Variants in ZMYND11 observed in about 807,000 individuals in gnomAD.
ZMYND11 encodes zinc finger MYND-type containing 11.
ZMYND11 carries 9 observed loss-of-function variants against 84.9 expected under a neutral mutation model. The ratio of observed to expected loss-of-function variants is 0.11; its 90% confidence interval spans 0.06 to 0.18. ZMYND11 has a LOEUF of 0.18. ZMYND11 is among the 10% of genes least tolerant of loss of function. ZMYND11 has a pLI of 1.00. For missense variants in ZMYND11, 409 were observed against 761.0 expected (o/e 0.54, Z 5.44); for synonymous variants, 250 against 244.1 (o/e 1.02, Z -0.23).
intron 4 of ZMYND11, among the ~76,000 whole-genome samples, chr10:223,357 T>C (rs1947483857): frequency 6.6e-6 from 1 of 152,180 alleles, no homozygotes; most frequent in African/African-American, 2.4e-5. Flanking sequence ...CTCTACTCTT[T>C]ACTGAATGGA....
At chr10:190,415 G>C (rs1019504909) in intron 2 of ZMYND11, among the ~76,000 whole-genome samples, 2 of 152,058 alleles carry the variant, frequency 1.3e-5, no homozygotes, top group African/African-American at 4.8e-5. Flanking sequence ...ACTCTCCTTA[G>C]GCTCCGGCTG....
chr10:189,167 C>T (rs1939621380), intron 2 of ZMYND11, among the ~76,000 whole-genome samples: 1 of 152,214 alleles, frequency 6.6e-6, no homozygotes, highest in South Asian at 2.1e-4. Context: ...ATTGACATTT[C>T]TGAGTTCTCC....
intron 1 of ZMYND11, among the ~76,000 whole-genome samples, chr10:146,769 A>G (rs7893922): frequency 0.93 from 141,722 of 152,264 alleles, 66,261 homozygotes; most frequent in Non-Finnish European, 0.98. Context: ...CCAGTGGGAG[A>G]TAATTGAATC....
At chr10:152,620 T>G (rs1840666214) in intron 1 of ZMYND11, among the ~76,000 whole-genome samples, 1 of 152,138 alleles carries the variant, frequency 6.6e-6, no homozygotes, top group Non-Finnish European at 1.5e-5. Flanking sequence ...ATGGGAGACT[T>G]TAACACCCCA....
chr10:145,948 T>C (rs1838723720), intron 1 of ZMYND11, among the ~76,000 whole-genome samples: 1 of 152,186 alleles, frequency 6.6e-6, no homozygotes, highest in African/African-American at 2.4e-5. Flanking sequence ...TCATAAATTC[T>C]TTGTCTAGAC....
chr10:241,991 A>G (rs759923291), intron 9 of ZMYND11, 30 bp from the exon 10 acceptor site: 1 of 1,609,352 alleles, frequency 6.2e-7, no homozygotes, highest in African/African-American at 1.3e-5. Flanking sequence ...TTTAAAAGTA[A>G]TATAACAAGG....
rs377512966 is a variant in ZMYND11 at position 252,318 on chromosome 10, C to T, written c.1687-30C>T. On this transcript the variant is annotated intron_variant, in intron 14 of 14. Coordinates refer to ENST00000381604, the MANE Select transcript of ZMYND11 (RefSeq NM_001370100.5). This position sits in a 1 kb window ranked among gnomAD's most constrained non-coding sequence, Gnocchi z 4.6. Reference sequence around the variant, plus strand: ...GTCGCTTACACATCCACACCCAAGTCTAAAGACTGCCCCGATTTCTTACCT... The same window carrying T: ...GTCGCTTACACATCCACACCCAAGTTTAAAGACTGCCCCGATTTCTTACCT... 6 of 1,612,582 alleles carry T rather than the reference C, an allele frequency of 3.7e-6. No individual in the cohort carries two copies. In the African/African-American group the frequency reaches 8.0e-5, roughly 22 times the overall value.
At chr10:194,584 A>T (rs1941277288) in intron 2 of ZMYND11, among the ~76,000 whole-genome samples, 1 of 152,176 alleles carries the variant, frequency 6.6e-6, no homozygotes, top group Non-Finnish European at 1.5e-5. Flanking sequence ...AACACCTGGT[A>T]TTGTCAGTTT....
At position 241,252 on chromosome 10, in the gene ZMYND11, C is replaced by T. The variant is rs540761332; in HGVS notation, c.831+282C>T. Among the ~76,000 whole-genome samples the T allele has an allele frequency of 4.4e-4, 67 of 152,194 alleles. No individual in the cohort carries two copies. In the South Asian group the frequency reaches 4.6e-3, roughly 10 times the overall value. On this transcript the variant is annotated intron_variant, in intron 9 of 14. Transcript: ENST00000381604. ...GTGCAGTGGTGTGATCTCAGCTCAC[C>T]GTAGCCTTGACCTCCTCCAGGCTCA...
intron 1 of ZMYND11, among the ~76,000 whole-genome samples, chr10:178,306 TA>T (rs1188366726): frequency 1.3e-5 from 2 of 152,224 alleles, no homozygotes; most frequent in African/African-American, 4.8e-5. Flanking sequence ...GTGCCTTAGA[TA>T]AAGTGGACAC....
Position 236,858 on chromosome 10 carries a change from A to G in ZMYND11, c.459A>G (p.Thr153=), listed in dbSNP as rs988786534. 2 of 1,613,430 alleles carry G rather than the reference A, an allele frequency of 1.2e-6. No individual in the cohort carries two copies. The highest frequency in any genetic ancestry group is 1.7e-6 in the Non-Finnish European group (2 of 1,179,802). ...AATAGAGCATTAAGAAGAAGAATAC[A>G]AACAAACAGGAGATGGGCACATACC... is the stretch of plus-strand genomic sequence containing the variant. ...PVCRSIKKKN[T]NKQEMGTYLR... Residue 153 remains threonine (T), a synonymous_variant, in exon 5 of 15, where the codon ACA becomes ACG. Transcript: ENST00000381604.
At chr10:199,076 C>G (rs1212630827) in intron 2 of ZMYND11, among the ~76,000 whole-genome samples, 2 of 152,212 alleles carry the variant, frequency 1.3e-5, no homozygotes, top group Non-Finnish European at 2.9e-5. Flanking sequence ...GTCAAAAGCT[C>G]TGCCTAGCTT....
intron 1 of ZMYND11, among the ~76,000 whole-genome samples, chr10:161,389 T>A (rs1413109087): frequency 6.6e-6 from 1 of 152,206 alleles, no homozygotes; most frequent in African/African-American, 2.4e-5. Context: ...GCAGAGTAGA[T>A]ATAGCATAAT....
At chr10:247,611 T>C in intron 12 of ZMYND11, 145 bp downstream of exon 12, 1 of 876,184 alleles carries the variant, frequency 1.1e-6, no homozygotes, top group African/African-American at 1.7e-5. Flanking sequence ...ATCATATCCA[T>C]CAAGTTGAAA....
intron 2 of ZMYND11, among the ~76,000 whole-genome samples, chr10:197,488 A>C (rs1416848710): frequency 6.6e-6 from 1 of 152,258 alleles, no homozygotes; most frequent in Non-Finnish European, 1.5e-5. Context: ...AAGTAAGGCT[A>C]ATATAAGAAA....
At chr10:174,424 A>G (rs1846080166) in intron 1 of ZMYND11, among the ~76,000 whole-genome samples, 1 of 152,240 alleles carries the variant, frequency 6.6e-6, no homozygotes, top group Non-Finnish European at 1.5e-5. Context: ...TGGAGCACAG[A>G]CAATTTTTAA....
At chr10:175,556 C>T (rs1481712017) in intron 1 of ZMYND11, among the ~76,000 whole-genome samples, 4 of 151,860 alleles carry the variant, frequency 2.6e-5, no homozygotes, top group East Asian at 3.9e-4. Context: ...GTGACAAGAG[C>T]GAAACTCCGC....
intron 4 of ZMYND11, among the ~76,000 whole-genome samples, chr10:222,509 TC>T (rs1445626403): frequency 1.3e-5 from 2 of 152,180 alleles, no homozygotes; most frequent in Non-Finnish European, 2.9e-5. Context: ...GTAGACCTCC[TC>T]TTTGAGGTCT....
intron 4 of ZMYND11, among the ~76,000 whole-genome samples, chr10:234,760 T>A (rs1949644233): frequency 6.6e-6 from 1 of 152,220 alleles, no homozygotes; most frequent in Admixed American, 6.5e-5. Flanking sequence ...TCCAGCCTTC[T>A]TACGTTTTCT....
Sources: allele counts gnomAD v4.1 joint callset (sites outside exome capture counted in the v4.1 genomes callset), GRCh38; gene constraint gnomAD v4.1.1; non-coding constraint Gnocchi (gnomAD v3.1); transcripts MANE v1.5; gene names NCBI Gene and HGNC (gene_info 2026-07-23, HGNC 2026-07-21).